ELMO1: variants seen among roughly 807,000 people sequenced by gnomAD.
The protein encoded by ELMO1 is engulfment and cell motility protein 1.
Under a neutral mutation model 98.9 loss-of-function variants are expected in ELMO1, and 26 were observed. The observed-to-expected ratio is 0.26, with a 90% CI of 0.19 to 0.36. The LOEUF is 0.36. Ranked by LOEUF, ELMO1 falls within the 10% of genes least tolerant of loss-of-function variation. The probability of loss-of-function intolerance (pLI) is 1.00; values close to 1 mark genes in which losing one functional copy is unlikely to be tolerated. For synonymous variants in ELMO1, 346 were observed against 346.0 expected (o/e 1.00, Z 0.00); for missense variants, 627 against 935.2 (o/e 0.67, Z 4.30).
chr7:37,210,101 A>T (rs1453372328), intron 13 of ELMO1, among the ~76,000 whole-genome samples: 1 of 152,136 alleles, frequency 6.6e-6, no homozygotes, highest in Non-Finnish European at 1.5e-5. Context: ...TAAAAAAAAA[A>T]TGAACACTGC....
intron 4 of ELMO1, among the ~76,000 whole-genome samples, chr7:37,283,536 T>C (rs768019709): frequency 3.3e-5 from 5 of 152,248 alleles, no homozygotes; most frequent in Non-Finnish European, 7.3e-5. Context: ...TGTAATTATG[T>C]AGATGTGAAT....
chr7:37,172,039 T>C (rs1343557278), intron 13 of ELMO1, among the ~76,000 whole-genome samples: 1 of 152,204 alleles, frequency 6.6e-6, no homozygotes, highest in African/African-American at 2.4e-5. Context: ...AGTTTTGACA[T>C]TTAAAAGATA....
At chr7:37,004,704 T>G (rs945656861) in intron 16 of ELMO1, among the ~76,000 whole-genome samples, 1 of 152,358 alleles carries the variant, frequency 6.6e-6, no homozygotes, top group South Asian at 2.1e-4. Context: ...ACCATTTTTA[T>G]AAATGCTCCT....
At chr7:37,123,171 C>A (rs1163879824) in intron 14 of ELMO1, among the ~76,000 whole-genome samples, 4 of 152,088 alleles carry the variant, frequency 2.6e-5, no homozygotes, top group African/African-American at 9.7e-5. Flanking sequence ...TAAATGCCCA[C>A]AAGAGAAAGC....
intron 13 of ELMO1, among the ~76,000 whole-genome samples, chr7:37,192,967 GGAGATATA>G (rs1791711847): frequency 1.2e-5 from 1 of 80,114 alleles, no homozygotes; most frequent in South Asian, 4.1e-4. Context: ...TATATATATA[GGAGATATA>G]TATATATATA....
chr7:37,286,444 TGGGCAAGACAACGTCTTG>T (rs1459653452), intron 4 of ELMO1, among the ~76,000 whole-genome samples: 1 of 152,210 alleles, frequency 6.6e-6, no homozygotes, highest in Non-Finnish European at 1.5e-5. Context: ...AAATGAATGA[TGGGCAAGACAACGTCTTG>T]GGGCCTCCCT....
At chr7:37,276,245 A>G (rs10238916) in intron 4 of ELMO1, among the ~76,000 whole-genome samples, 62,486 of 152,000 alleles carry the variant, frequency 0.41, 13,117 homozygotes, top group East Asian at 0.63. Context: ...CAAATTGCAA[A>G]TGCTAAAAAG....
Position 37,056,402 on chromosome 7 carries a change from C to T in ELMO1, c.1300+40217G>A, listed in dbSNP as rs185152594. ...TCCTACTGCAACCTCTTGGCTTAGA[C>T]AAAGCAGAGCTCCCAGGAACAAGCT... is the stretch of plus-strand genomic sequence containing the variant. On this transcript the variant is annotated intron_variant, in intron 15 of 21. Coordinates refer to ENST00000310758, the MANE Select transcript of ELMO1 (RefSeq NM_014800.11). Among the ~76,000 whole-genome samples the T allele has an allele frequency of 1.5e-4, 23 of 152,280 alleles. 1 individual carries two copies. In the Middle Eastern group the frequency reaches 0.017, roughly 113 times the overall value.
intron 1 of ELMO1, among the ~76,000 whole-genome samples, chr7:37,430,757 A>G (rs865936675): frequency 2.2e-4 from 33 of 152,150 alleles, no homozygotes; most frequent in African/African-American, 7.5e-4. Context: ...TGTTGATTAC[A>G]TTTTTTCATT....
chr7:37,378,307 A>G (rs751180170), intron 1 of ELMO1, among the ~76,000 whole-genome samples: 3 of 152,178 alleles, frequency 2.0e-5, no homozygotes, highest in Non-Finnish European at 4.4e-5. Flanking sequence ...TCTAGACCAG[A>G]TAAAGCTCCC....
chr7:37,163,342 T>TTTTG (rs200118184), intron 13 of ELMO1, among the ~76,000 whole-genome samples: 9,980 of 27,876 alleles, frequency 0.36, 450 homozygotes, highest in East Asian at 0.52. Flanking sequence ...GTGTTCTTTT[T>TTTTG]TTTTTTTTTT....
At chr7:37,440,815 G>A (rs1184615786) in intron 1 of ELMO1, among the ~76,000 whole-genome samples, 1 of 151,442 alleles carries the variant, frequency 6.6e-6, no homozygotes, top group East Asian at 1.9e-4. Context: ...GAGAGTTGGA[G>A]GGGTGGACGG....
intron 15 of ELMO1, among the ~76,000 whole-genome samples, chr7:37,014,804 T>C (rs1450121843): frequency 1.3e-5 from 2 of 151,754 alleles, no homozygotes; most frequent in African/African-American, 2.4e-5. Context: ...GCCCTGGAAG[T>C]CCAGGACAGG....
At chr7:36,898,399 A>G (rs775225075) in intron 16 of ELMO1, among the ~76,000 whole-genome samples, 2 of 152,164 alleles carry the variant, frequency 1.3e-5, no homozygotes, top group East Asian at 1.9e-4. Flanking sequence ...CCATCATTCA[A>G]TCGATGTCTG....
chr7:36,987,433 C>T (rs1791592091), intron 16 of ELMO1, among the ~76,000 whole-genome samples: 1 of 152,124 alleles, frequency 6.6e-6, no homozygotes, highest in Non-Finnish European at 1.5e-5. Flanking sequence ...TGGTAAGTGT[C>T]ACAGAAGGCA....
At chr7:37,248,346 A>T (rs1041130912) in intron 6 of ELMO1, among the ~76,000 whole-genome samples, 5 of 152,062 alleles carry the variant, frequency 3.3e-5, no homozygotes, top group Admixed American at 2.6e-4. Flanking sequence ...TCGCCAACAG[A>T]AGATAATCTC....
chr7:36,999,713 G>C (rs1333788428), intron 16 of ELMO1, among the ~76,000 whole-genome samples: 3 of 152,148 alleles, frequency 2.0e-5, no homozygotes, highest in Non-Finnish European at 4.4e-5. Flanking sequence ...TGAAATTGCT[G>C]TATTTGTCAG....
intron 15 of ELMO1, among the ~76,000 whole-genome samples, chr7:37,019,108 TAAC>T (rs1794125892): frequency 6.6e-6 from 1 of 152,238 alleles, no homozygotes; most frequent in Non-Finnish European, 1.5e-5. Flanking sequence ...TCTGAATGTG[TAAC>T]AACGACAAAG....
intron 13 of ELMO1, among the ~76,000 whole-genome samples, chr7:37,154,500 C>G (rs1448181934): frequency 6.6e-6 from 1 of 152,122 alleles, no homozygotes; most frequent in East Asian, 1.9e-4. Context: ...AACCACAGTA[C>G]GAGAACTGCG....
Sources: gnomAD v4.1 joint callset for allele counts (sites outside exome capture counted in the v4.1 genomes callset) on GRCh38, gnomAD v4.1.1 for gene constraint, MANE v1.5 for transcripts, NCBI Gene and HGNC (gene_info 2026-07-23, HGNC 2026-07-21) for gene names.